The following COL24A1 variants were observed in gnomAD, a reference collection of about 807,000 sequenced individuals.
The protein encoded by COL24A1 is collagen alpha-1(XXIV) chain.
COL24A1 carries 224 observed loss-of-function variants against 253.9 expected under a neutral mutation model. The ratio of observed to expected loss-of-function variants is 0.88; its 90% CI spans 0.79 to 0.99. COL24A1 has a LOEUF of 0.99. COL24A1 is among the 50% of genes least tolerant of loss of function. The pLI is 0.00. For synonymous variants in COL24A1, 685 were observed against 673.7 expected, an observed-to-expected ratio of 1.02 and a Z score of -0.26; for missense variants, 2,131 against 2,068.5, an observed-to-expected ratio of 1.03 and a Z score of -0.59.
chr1:85,864,238 A>G (rs534539663), intron 37 of COL24A1, among the ~76,000 whole-genome samples: 8 of 152,338 alleles, frequency 5.3e-5, no homozygotes, highest in African/African-American at 1.9e-4. Context: ...GGATGAGTTC[A>G]TGTCCTTTGT....
At chr1:86,090,101 G>A (rs140185044) in intron 6 of COL24A1, among the ~76,000 whole-genome samples, 1 of 152,270 alleles carries the variant, frequency 6.6e-6, no homozygotes, top group Non-Finnish European at 1.5e-5. Flanking sequence ...AAAATTGATT[G>A]GGAAGTCCAT....
At chr1:85,828,272 C>T (rs1570791360) in intron 43 of COL24A1, among the ~76,000 whole-genome samples, 1 of 104,706 alleles carries the variant, frequency 9.6e-6, no homozygotes, top group African/African-American at 3.5e-5. Flanking sequence ...TTTGATTGCA[C>T]TGTGGTCTGA....
chr1:86,095,340 A>G (rs1703818963), intron 5 of COL24A1, among the ~76,000 whole-genome samples: 1 of 152,070 alleles, frequency 6.6e-6, no homozygotes. Flanking sequence ...CACATTTGAC[A>G]CATATATGTC....
intron 6 of COL24A1, among the ~76,000 whole-genome samples, chr1:86,091,132 T>G (rs1177233443): frequency 6.6e-6 from 1 of 152,082 alleles, no homozygotes. Context: ...GTAATGAAAA[T>G]ACTATGTTTA....
chr1:85,732,936 G>T (rs1291000280), intron 59 of COL24A1, among the ~76,000 whole-genome samples: 1 of 152,158 alleles, frequency 6.6e-6, no homozygotes, highest in Admixed American at 6.6e-5. Flanking sequence ...GACAGCCAGT[G>T]AAAGCCCAAT....
chr1:86,035,039 C>T (rs950983081), intron 12 of COL24A1, among the ~76,000 whole-genome samples: 1 of 151,992 alleles, frequency 6.6e-6, no homozygotes, highest in Non-Finnish European at 1.5e-5. Context: ...ATTACTGGTT[C>T]CCAGAGCAAA....
chr1:86,118,499 G>A (rs1395210145), intron 3 of COL24A1, among the ~76,000 whole-genome samples: 1 of 152,054 alleles, frequency 6.6e-6, no homozygotes, highest in Non-Finnish European at 1.5e-5. Context: ...ATAATCCCTG[G>A]TCAGTTAATG....
intron 10 of COL24A1, among the ~76,000 whole-genome samples, chr1:86,056,661 C>G (rs1700683097): frequency 6.6e-6 from 1 of 151,980 alleles, no homozygotes; most frequent in African/African-American, 2.4e-5. Context: ...TGAGAGCAGC[C>G]TGGCCAACAT....
intron 12 of COL24A1, among the ~76,000 whole-genome samples, chr1:86,036,081 T>C (rs1698982392): frequency 6.6e-6 from 1 of 152,146 alleles, no homozygotes; most frequent in African/African-American, 2.4e-5. Context: ...TATTGGTTGT[T>C]CACCTTGACT....
intron 35 of COL24A1, among the ~76,000 whole-genome samples, chr1:85,874,224 G>T (rs897369982): frequency 6.6e-6 from 1 of 152,048 alleles, no homozygotes; most frequent in Admixed American, 6.5e-5. Context: ...TTATGTCCTT[G>T]CATCTTGTTA....
At chr1:85,997,763 G>GAAA (rs56060135) in intron 19 of COL24A1, among the ~76,000 whole-genome samples, 3 of 136,134 alleles carry the variant, frequency 2.2e-5, no homozygotes, top group Non-Finnish European at 1.6e-5. Flanking sequence ...CCTGGCTACA[G>GAAA]AAAAAAAAAA....
Position 85,784,262 on chromosome 1 carries a change from C to T in COL24A1, c.4164G>A (p.Gln1388=). The T allele has an allele frequency of 6.2e-7, 1 of 1,613,944 alleles. No homozygotes were observed. Among genetic ancestry groups the T allele is most frequent in the Non-Finnish European group, 8.5e-7 (1 of 1,179,854 alleles). The change falls in exon 49 of 60, where the codon CAG becomes CAA. Residue 1388 remains glutamine, a synonymous_variant. Coordinates refer to ENST00000370571, the MANE Select transcript of COL24A1 (RefSeq NM_152890.7). ...GAATTTCTGAGGTGGTACATACAGGCTGCCCTTTCAGGCCAGGGTCTCCAC... is the reference window on the plus strand; with the variant it reads ...GAATTTCTGAGGTGGTACATACAGGTTGCCCTTTCAGGCCAGGGTCTCCAC... ...GPCGDPGLKG[Q]PGEYGVQGLT...
At chr1:85,874,556 A>G in intron 35 of COL24A1, 93 bp downstream of exon 35, 1 of 1,129,742 alleles carries the variant, frequency 8.9e-7, no homozygotes, top group South Asian at 1.5e-5. Flanking sequence ...AGAAAGGTTT[A>G]TTATCCAATT....
chr1:85,997,171 A>C (rs1370222130), intron 19 of COL24A1, among the ~76,000 whole-genome samples: 1 of 150,866 alleles, frequency 6.6e-6, no homozygotes, highest in Non-Finnish European at 1.5e-5. Flanking sequence ...TGTAAGCAAT[A>C]ATTGGCCAGT....
At chr1:85,799,156 A>T (rs1671131172) in intron 47 of COL24A1, among the ~76,000 whole-genome samples, 1 of 150,018 alleles carries the variant, frequency 6.7e-6, no homozygotes, top group African/African-American at 2.5e-5. Flanking sequence ...ATCTTGAAAA[A>T]ACATTGAAAC....
intron 22 of COL24A1, among the ~76,000 whole-genome samples, chr1:85,965,780 G>C (rs1307345909): frequency 6.6e-6 from 1 of 152,104 alleles, no homozygotes; most frequent in African/African-American, 2.4e-5. Context: ...CAGAGGAAAA[G>C]GGCCTGTGCA....
At chr1:85,996,477 A>T (rs1211707810) in intron 19 of COL24A1, among the ~76,000 whole-genome samples, 1 of 60,964 alleles carries the variant, frequency 1.6e-5, no homozygotes, top group Non-Finnish European at 3.8e-5. Context: ...GGAGTTTGAG[A>T]CCAGCCTGAC....
At chr1:86,065,349 C>T (rs1051335870) in intron 7 of COL24A1, among the ~76,000 whole-genome samples, 4 of 152,230 alleles carry the variant, frequency 2.6e-5, no homozygotes, top group Admixed American at 6.5e-5. Flanking sequence ...AAAATGCAAT[C>T]GTGGCACAAT....
At chr1:85,855,156 G>T (rs1383094426) in intron 37 of COL24A1, among the ~76,000 whole-genome samples, 1 of 152,074 alleles carries the variant, frequency 6.6e-6, no homozygotes, top group Non-Finnish European at 1.5e-5. Context: ...GGGTTTTCTA[G>T]GTACAGAATC....
Sources: allele counts gnomAD v4.1 joint callset (sites outside exome capture counted in the v4.1 genomes callset), GRCh38; gene constraint gnomAD v4.1.1; transcripts MANE v1.5; gene names NCBI Gene and HGNC (gene_info 2026-07-23, HGNC 2026-07-21).